The following CSMD1 variants were observed in gnomAD, a reference collection of about 807,000 sequenced individuals.
CSMD1 encodes CUB and sushi domain-containing protein 1.
In CSMD1, 213 loss-of-function variants were observed where a neutral mutation model predicts 417.5. The ratio of observed to expected loss-of-function variants is 0.51; its 90% CI spans 0.46 to 0.57. The LOEUF (loss-of-function observed/expected upper bound fraction) is 0.57, where lower values mean the gene tolerates loss of function less well. Among genes scored for constraint, CSMD1 ranks in the 20% least tolerant of loss-of-function variants. The pLI, the probability that CSMD1 is intolerant of heterozygous loss-of-function variation, is 0.00. For missense variants in CSMD1, 6,923 were observed against 4,529.7 expected (o/e 1.53, Z -15.17); for synonymous variants, 2,862 against 1,736.8 (o/e 1.65, Z -16.11).
In CSMD1 at chr8:3,354,779, G is replaced by GAT. The variant is rs1166380858; in HGVS notation, c.3304+4371_3304+4372dup. Reference sequence around the variant, plus strand: ...TACATAGAATTATATACAGTTTAGTGATATATATATATCACTAAACTCTCT... The same window carrying GAT: ...TACATAGAATTATATACAGTTTAGTGATATATATATATATCACTAAACTCTCT... On this transcript the variant is annotated intron_variant, in intron 21 of 69. Transcript: ENST00000635120. Among the ~76,000 whole-genome samples, 21 of 128,452 alleles carry GAT rather than the reference G, an allele frequency of 1.6e-4. No individual in the cohort carries two copies. In the South Asian group the frequency reaches 3.0e-3, roughly 19 times the overall value. 84.3% of individuals were successfully genotyped at this position (128,452 alleles called of 152,430 possible). A position where few individuals can be genotyped will look rare whatever the true frequency, so the allele number is the denominator to read the frequency against.
chr8:3,390,200 T>C (rs573671304), intron 17 of CSMD1, among the ~76,000 whole-genome samples: 1 of 151,562 alleles, frequency 6.6e-6, no homozygotes, highest in East Asian at 2.0e-4. Flanking sequence ...GCTAAAAATA[T>C]AAAAATTAGC....
At chr8:3,796,327 TATAG>T (rs1460380029) in intron 5 of CSMD1, among the ~76,000 whole-genome samples, 1 of 120,302 alleles carries the variant, frequency 8.3e-6, no homozygotes, top group African/African-American at 3.1e-5. Context: ...ATCTATCATG[TATAG>T]ATATAGATAT....
intron 1 of CSMD1, among the ~76,000 whole-genome samples, chr8:4,991,250 C>T (rs1424516331): frequency 6.6e-6 from 1 of 152,194 alleles, no homozygotes; most frequent in Non-Finnish European, 1.5e-5. Context: ...TCCTTTTCCC[C>T]TGGTCCCTGA....
At chr8:3,166,115 G>A (rs1485045678) in intron 37 of CSMD1, among the ~76,000 whole-genome samples, 1 of 152,022 alleles carries the variant, frequency 6.6e-6, no homozygotes, top group African/African-American at 2.4e-5. Context: ...TATGAACTGT[G>A]TAGAAGGTAA....
chr8:4,765,234 A>C (rs1191754304), intron 1 of CSMD1, among the ~76,000 whole-genome samples: 1 of 152,204 alleles, frequency 6.6e-6, no homozygotes, highest in Non-Finnish European at 1.5e-5. Context: ...ACCTAGGCTG[A>C]ATCTTACAAT....
chr8:3,514,282 T>C (rs916775540), intron 10 of CSMD1, among the ~76,000 whole-genome samples: 10 of 152,102 alleles, frequency 6.6e-5, no homozygotes, highest in African/African-American at 1.4e-4. Flanking sequence ...TGGTGCAACA[T>C]AGAGACGTCC....
At chr8:3,075,280 CTT>C (rs567862698) in intron 49 of CSMD1, among the ~76,000 whole-genome samples, 11 of 39,370 alleles carry the variant, frequency 2.8e-4, no homozygotes, top group Admixed American at 8.5e-4. Flanking sequence ...TTCTTTCTTT[CTT>C]TTTTTTTTTT....
intron 3 of CSMD1, among the ~76,000 whole-genome samples, chr8:4,100,931 T>C (rs557951985): frequency 6.6e-6 from 1 of 152,290 alleles, no homozygotes; most frequent in African/African-American, 2.4e-5. Flanking sequence ...AAGGTGGAAA[T>C]GCTAAGAACC....
intron 5 of CSMD1, among the ~76,000 whole-genome samples, chr8:3,968,004 T>TAAAAAAGA (rs1812803612): frequency 1.0e-5 from 1 of 98,920 alleles, no homozygotes; most frequent in Non-Finnish European, 1.9e-5. Flanking sequence ...CGTCACTGCT[T>TAAAAAAGA]AAAAAAAAAA....
intron 2 of CSMD1, among the ~76,000 whole-genome samples, chr8:4,465,853 C>G (rs1179665968): frequency 6.6e-6 from 1 of 152,180 alleles, no homozygotes; most frequent in African/African-American, 2.4e-5. Context: ...ACATTCTATC[C>G]TCTTCACAGG....
At chr8:4,459,386 G>C (rs1004838861) in intron 2 of CSMD1, among the ~76,000 whole-genome samples, 3 of 152,338 alleles carry the variant, frequency 2.0e-5, no homozygotes, top group African/African-American at 7.2e-5. Flanking sequence ...AAACAAGAAT[G>C]TCAGTCCAGC....
intron 3 of CSMD1, among the ~76,000 whole-genome samples, chr8:4,128,211 T>TCCTTGAAAGGCATG (rs1802880702): frequency 6.6e-6 from 1 of 151,874 alleles, no homozygotes; most frequent in African/African-American, 2.4e-5. Flanking sequence ...AAACAGCAGC[T>TCCTTGAAAGGCATG]CCTCCTTGAA....
At chr8:3,821,093 T>C (rs1346732168) in intron 5 of CSMD1, among the ~76,000 whole-genome samples, 1 of 151,960 alleles carries the variant, frequency 6.6e-6, no homozygotes, top group African/African-American at 2.4e-5. Context: ...CTTTTTTGTA[T>C]TTTTAGTAGA....
rs569266504 is a variant in CSMD1 at position 4,465,328 on chromosome 8, G to T, written c.303-45263C>A. On this transcript the variant is annotated intron_variant, in intron 2 of 69. Transcript: ENST00000635120. The stretch of plus-strand genomic sequence containing the variant: ...TGTCTTGGTGAAGATGACGGTCCCT[G>T]TGCTTGCAAAAAGTGTACATCAGTA... 1.2e-4 allele frequency among the ~76,000 whole-genome samples: 19 copies of T among 152,160 alleles called. No individual in the cohort carries two copies. The South Asian group carries it at 3.7e-3, about 30-fold the overall frequency.
At chr8:4,797,829 A>G (rs1287275496) in intron 1 of CSMD1, among the ~76,000 whole-genome samples, 1 of 152,200 alleles carries the variant, frequency 6.6e-6, no homozygotes, top group African/African-American at 2.4e-5. Flanking sequence ...AAAAATGTAT[A>G]ATTATCAAGA....
intron 7 of CSMD1, among the ~76,000 whole-genome samples, chr8:3,682,045 A>G (rs1446742108): frequency 1.3e-5 from 2 of 152,280 alleles, no homozygotes; most frequent in African/African-American, 4.8e-5. Flanking sequence ...TTAATTCAAG[A>G]TGGATTAAAG....
chr8:4,280,143 G>A (rs1050866529), intron 3 of CSMD1, among the ~76,000 whole-genome samples: 1 of 152,116 alleles, frequency 6.6e-6, no homozygotes, highest in Non-Finnish European at 1.5e-5. Flanking sequence ...TAAATATTCT[G>A]AATTATTTAG....
intron 10 of CSMD1, among the ~76,000 whole-genome samples, chr8:3,565,622 A>C (rs568547061): frequency 1.3e-5 from 2 of 152,330 alleles, no homozygotes; most frequent in East Asian, 3.9e-4. Context: ...TCTTTAAAAA[A>C]ACCATTGAAT....
intron 26 of CSMD1, among the ~76,000 whole-genome samples, chr8:3,240,113 AG>A (rs1484792885): frequency 1.3e-5 from 2 of 152,202 alleles, no homozygotes; most frequent in Non-Finnish European, 2.9e-5. Context: ...CTTGAGGGCT[AG>A]GCAAAACAGT....
Sources: allele counts gnomAD v4.1 joint callset (sites outside exome capture counted in the v4.1 genomes callset), GRCh38; gene constraint gnomAD v4.1.1; transcripts MANE v1.5; gene names NCBI Gene and HGNC (gene_info 2026-07-23, HGNC 2026-07-21).